The following CECR2 variants were observed in gnomAD, a reference collection of about 807,000 sequenced individuals.
CECR2 encodes chromatin remodeling regulator CECR2.
In CECR2, 30 loss-of-function variants were observed where a neutral mutation model predicts 154.5. The ratio of observed to expected loss-of-function variants is 0.19; its 90% confidence interval spans 0.15 to 0.26. The LOEUF (loss-of-function observed/expected upper bound fraction) is 0.26, where lower values mean the gene tolerates loss of function less well. CECR2 is among the 10% of genes least tolerant of loss of function. CECR2 has a pLI of 1.00. For missense variants in CECR2, 1,743 were observed against 1,829.3 expected, an observed-to-expected ratio of 0.95 and a Z score of 0.86; for synonymous variants, 725 against 683.7, an observed-to-expected ratio of 1.06 and a Z score of -0.94.
In CECR2 at chr22:17,428,743, G is replaced by A. The variant is rs1344988042; in HGVS notation, c.127-48845G>A. On this transcript the variant is annotated intron_variant, in intron 1 of 18. Transcript: ENST00000262608. ...TCCTCTTGACTCAGCCTCTGAAAGTGCTGGGATTACAGGTGTGAGCTACTG... is the reference window on the plus strand; with the variant it reads ...TCCTCTTGACTCAGCCTCTGAAAGTACTGGGATTACAGGTGTGAGCTACTG... Among the ~76,000 whole-genome samples, 3 of 151,792 alleles carry A rather than the reference G, an allele frequency of 2.0e-5. No homozygotes were observed. In the East Asian group the frequency reaches 5.8e-4, roughly 29 times the overall value.
At chr22:17,435,216 T>C (rs1424398870) in intron 1 of CECR2, among the ~76,000 whole-genome samples, 1 of 152,128 alleles carries the variant, frequency 6.6e-6, no homozygotes, top group Non-Finnish European at 1.5e-5. Context: ...TCTTTTTTTT[T>C]AATGTTGGAC....
intron 2 of CECR2, among the ~76,000 whole-genome samples, chr22:17,495,459 C>T (rs888308273): frequency 2.6e-5 from 4 of 151,622 alleles, no homozygotes; most frequent in Non-Finnish European, 5.9e-5. Context: ...ATCCTAGCTA[C>T]TCAGGAGACT....
intron 2 of CECR2, among the ~76,000 whole-genome samples, chr22:17,494,830 G>T (rs2055593929): frequency 6.6e-6 from 1 of 152,052 alleles, no homozygotes; most frequent in Non-Finnish European, 1.5e-5. Flanking sequence ...GAGTAGCTGG[G>T]ACTACAGGCA....
intron 9 of CECR2, among the ~76,000 whole-genome samples, chr22:17,533,459 G>A (rs1048444310): frequency 2.6e-5 from 4 of 151,554 alleles, no homozygotes; most frequent in Non-Finnish European, 4.4e-5. Flanking sequence ...ATGAAACCCC[G>A]TCTCTACTAA....
chr22:17,447,251 C>T (rs2054686761), intron 1 of CECR2, among the ~76,000 whole-genome samples: 1 of 151,696 alleles, frequency 6.6e-6, no homozygotes, highest in Admixed American at 6.6e-5. Flanking sequence ...CTCCTGGGTT[C>T]TCGCCATTCT....
chr22:17,502,963 A>C, intron 5 of CECR2, 119 bp from the exon 6 acceptor site: 1 of 805,984 alleles, frequency 1.2e-6, no homozygotes. Flanking sequence ...TTGTCCCCTT[A>C]ACACACACAC....
chr22:17,375,222 T>A lies in CECR2; in HGVS notation c.126+5313T>A, dbSNP rs1239234446. Among the ~76,000 whole-genome samples, 4 of 152,124 alleles carry A rather than the reference T, an allele frequency of 2.6e-5. No individual in the cohort carries two copies. The East Asian group carries it at 7.7e-4, about 29-fold the overall frequency. On this transcript the variant is annotated intron_variant, in intron 1 of 18. Transcript: ENST00000262608. ...TCCACCTCCTGGGTTCAAGCGATTC[T>A]CCTGCCTCAGCCTCCCAAGTAGCTG...
intron 2 of CECR2, among the ~76,000 whole-genome samples, chr22:17,496,454 C>A (rs535493728): frequency 1.3e-5 from 2 of 150,660 alleles, no homozygotes; most frequent in South Asian, 2.1e-4. Context: ...GAGCTGACAT[C>A]GAGCCACTGC....
chr22:17,423,071 G>A (rs556758974), intron 1 of CECR2, among the ~76,000 whole-genome samples: 39 of 152,188 alleles, frequency 2.6e-4, no homozygotes, highest in African/African-American at 8.7e-4. Context: ...CTTTTAGTGT[G>A]CCTTGCAGTT....
In CECR2 at chr22:17,430,004, C is replaced by T. The variant is rs187756853; in HGVS notation, c.127-47584C>T. Among the ~76,000 whole-genome samples the T allele has an allele frequency of 6.3e-3, 956 of 152,114 alleles. 7 individuals are homozygous for T. Among genetic ancestry groups the T allele is most frequent in the African/African-American group, 0.02 (848 of 41,482 alleles). ...GCATAGAGGTTAAACCAGTTTAGAC[C>T]CCCCACCAACAGTGTATGAGAGTAT... is the stretch of plus-strand genomic sequence containing the variant. On this transcript the variant is annotated intron_variant, in intron 1 of 18. Coordinates refer to ENST00000262608, the MANE Select transcript of CECR2 (RefSeq NM_001290047.2).
chr22:17,509,023 G>T (rs538590003), intron 7 of CECR2, among the ~76,000 whole-genome samples: 1 of 152,296 alleles, frequency 6.6e-6, no homozygotes, highest in East Asian at 1.9e-4. Context: ...GGCCGAGGCG[G>T]GTGGATCACC....
intron 1 of CECR2, among the ~76,000 whole-genome samples, chr22:17,435,208 T>G (rs2054485388): frequency 1.3e-5 from 2 of 150,674 alleles, no homozygotes; most frequent in Non-Finnish European, 3.0e-5. Context: ...TCTTTCTTTC[T>G]TTTTTTTTAA....
Position 17,423,205 on chromosome 22 carries a change from C to T in CECR2, c.126+53296C>T, listed in dbSNP as rs1601332480. Among the ~76,000 whole-genome samples the T allele has an allele frequency of 2.0e-5, 3 of 152,246 alleles. No individual in the cohort carries two copies. In the South Asian group the frequency reaches 6.2e-4, roughly 32 times the overall value. ...TAGGTCTCAGCCTTTTAGTGAGCACCTGCCTCTGGATGGCGAACTTCACAC... is the reference window on the plus strand; with the variant it reads ...TAGGTCTCAGCCTTTTAGTGAGCACTTGCCTCTGGATGGCGAACTTCACAC... On this transcript the variant is annotated intron_variant, in intron 1 of 18. Coordinates refer to ENST00000262608, the MANE Select transcript of CECR2 (RefSeq NM_001290047.2).
intron 8 of CECR2, among the ~76,000 whole-genome samples, chr22:17,520,485 T>C (rs559370029): frequency 1.9e-4 from 29 of 152,210 alleles, no homozygotes; most frequent in Non-Finnish European, 1.8e-4. Flanking sequence ...GTTTGTTACA[T>C]AGGTATACAT....
rs1235781204 is a variant in CECR2 at position 17,549,189 on chromosome 22, A to G, written c.3902A>G (p.Asn1301Ser). Residue 1301 changes from asparagine (N) to serine (S), a missense_variant, in exon 17 of 19, where the codon AAC becomes AGC. Asn to Ser is a conservative substitution (Grantham distance 46). Transcript: ENST00000262608. Reference sequence around the variant, plus strand: ...CCCAAAGAATTTTTAGACCTGGACAACCATAACGCAGCTACCAAGCGGCAG... The same window carrying G: ...CCCAAAGAATTTTTAGACCTGGACAGCCATAACGCAGCTACCAAGCGGCAG... Reference protein sequence around the residue: ...ESPKEFLDLDNHNAATKRQSS... With the variant: ...ESPKEFLDLDSHNAATKRQSS... 1 of 1,614,030 alleles carries G rather than the reference A, an allele frequency of 6.2e-7. No homozygotes were observed. Among genetic ancestry groups the G allele is most frequent in the East Asian group, 2.2e-5 (1 of 44,876 alleles).
intron 9 of CECR2, among the ~76,000 whole-genome samples, chr22:17,530,847 G>A (rs1487851421): frequency 6.6e-6 from 1 of 152,138 alleles, no homozygotes; most frequent in Non-Finnish European, 1.5e-5. Flanking sequence ...AACCTTGAAG[G>A]TATTACACGA....
chr22:17,542,918 C>T lies in CECR2; in HGVS notation c.2775C>T (p.Val925=), dbSNP rs1172032935. 18 of 1,613,964 alleles carry T rather than the reference C, an allele frequency of 1.1e-5. No individual in the cohort carries two copies. Among genetic ancestry groups the T allele is most frequent in the Non-Finnish European group, 1.5e-5 (18 of 1,179,882 alleles). ...CGCAGGTAGCTCACCCAATGTCAGT[C>T]ACTGTGTCAGCCCCCAAGCCTGCCC... ...PFPQVAHPMS[V]TVSAPKPALG... Residue 925 remains valine, a synonymous_variant, in exon 16 of 19, where the codon GTC becomes GTT. Coordinates refer to ENST00000262608, the MANE Select transcript of CECR2 (RefSeq NM_001290047.2).
chr22:17,547,686 G>A (rs1174764913), intron 16 of CECR2, among the ~76,000 whole-genome samples: 6 of 152,166 alleles, frequency 3.9e-5, no homozygotes, highest in Non-Finnish European at 7.3e-5. Context: ...TTTTATTCTC[G>A]TGGAGCAGAA....
intron 1 of CECR2, among the ~76,000 whole-genome samples, chr22:17,446,844 A>G (rs111409542): frequency 2.0e-5 from 3 of 152,144 alleles, no homozygotes; most frequent in East Asian, 1.9e-4. Flanking sequence ...TGAGGTGGCC[A>G]GCTTTATTCC....
Sources: allele counts gnomAD v4.1 joint callset (sites outside exome capture counted in the v4.1 genomes callset), GRCh38; gene constraint gnomAD v4.1.1; transcripts MANE v1.5; gene names NCBI Gene and HGNC (gene_info 2026-07-23, HGNC 2026-07-21).